Variants in SGCZ observed in about 807,000 individuals in gnomAD.
SGCZ encodes zeta-sarcoglycan.
A neutral mutation model predicts 41.3 loss-of-function variants in SGCZ; 40 were observed. That is an observed-to-expected ratio of 0.97 (90% confidence interval 0.75 to 1.26). SGCZ has a LOEUF of 1.26. Ranked by LOEUF, SGCZ falls within the 50% of genes most tolerant of loss-of-function variation. SGCZ has a pLI of 0.00. For missense variants in SGCZ, 552 were observed against 369.8 expected (o/e 1.49, Z -4.04); for synonymous variants, 206 against 137.5 (o/e 1.50, Z -3.49).
At chr8:14,927,401 G>T (rs28546385) in intron 1 of SGCZ, among the ~76,000 whole-genome samples, 2 of 151,910 alleles carry the variant, frequency 1.3e-5, no homozygotes, top group Non-Finnish European at 2.9e-5. Flanking sequence ...GAGCCACCGC[G>T]CCCGGCCAAG....
chr8:14,376,535 T>C (rs986175639), intron 2 of SGCZ, among the ~76,000 whole-genome samples: 12 of 151,972 alleles, frequency 7.9e-5, no homozygotes, highest in African/African-American at 2.2e-4. Flanking sequence ...ACAGAAGAAA[T>C]AGACTTTGAC....
intron 1 of SGCZ, 83 bp from the exon 2 acceptor site, chr8:14,555,009 A>C: frequency 7.9e-7 from 1 of 1,272,698 alleles, no homozygotes; most frequent in Middle Eastern, 2.4e-4. Context: ...TTTTTGAAAC[A>C]AAAGAACAAT....
intron 1 of SGCZ, among the ~76,000 whole-genome samples, chr8:14,970,905 A>T (rs1801272276): frequency 6.6e-6 from 1 of 152,140 alleles, no homozygotes; most frequent in African/African-American, 2.4e-5. Flanking sequence ...CATGCTAACA[A>T]TGTTGTATCT....
chr8:14,592,162 G>A (rs2036825), intron 1 of SGCZ, among the ~76,000 whole-genome samples: 45,131 of 151,810 alleles, frequency 0.3, 6,905 homozygotes, highest in Non-Finnish European at 0.36. Context: ...TTTTTCATTT[G>A]TTCATTTAAA....
At chr8:14,463,520 T>A (rs755270729) in intron 2 of SGCZ, among the ~76,000 whole-genome samples, 2 of 150,926 alleles carry the variant, frequency 1.3e-5, no homozygotes, top group African/African-American at 4.9e-5. Context: ...AAATATGAAA[T>A]CTAAAACTAT....
intron 2 of SGCZ, among the ~76,000 whole-genome samples, chr8:14,411,564 C>T (rs1404411140): frequency 6.6e-6 from 1 of 152,064 alleles, no homozygotes; most frequent in African/African-American, 2.4e-5. Flanking sequence ...GAAATATATA[C>T]TTCCAAAGTA....
intron 1 of SGCZ, among the ~76,000 whole-genome samples, chr8:14,624,058 C>T (rs1016308107): frequency 3.9e-5 from 6 of 152,134 alleles, no homozygotes; most frequent in South Asian, 2.1e-4. Context: ...GCATTTTATT[C>T]AACATCTATT....
At chr8:14,347,498 T>C (rs1347605435) in intron 2 of SGCZ, among the ~76,000 whole-genome samples, 1 of 152,096 alleles carries the variant, frequency 6.6e-6, no homozygotes, top group Non-Finnish European at 1.5e-5. Flanking sequence ...AATAGTTTAG[T>C]CACTGCATTA....
At chr8:15,078,144 C>CTTT (rs1304445722) in intron 1 of SGCZ, among the ~76,000 whole-genome samples, 2 of 71,840 alleles carry the variant, frequency 2.8e-5, no homozygotes, top group Non-Finnish European at 5.0e-5. Flanking sequence ...GGCAGGAACT[C>CTTT]TTCTTTTTTT....
intron 1 of SGCZ, among the ~76,000 whole-genome samples, chr8:14,987,726 A>C (rs1471585294): frequency 1.3e-5 from 2 of 152,032 alleles, no homozygotes; most frequent in Non-Finnish European, 2.9e-5. Context: ...CAATGTAATT[A>C]AATCTAAACC....
At chr8:14,499,178 G>A (rs1285342928) in intron 2 of SGCZ, among the ~76,000 whole-genome samples, 2 of 151,642 alleles carry the variant, frequency 1.3e-5, no homozygotes, top group East Asian at 3.9e-4. Context: ...TTATAGCCAT[G>A]GATTCTTTAT....
At position 15,129,707 on chromosome 8, in the gene SGCZ, C is replaced by CAA. The variant is rs59401421; in HGVS notation, c.39+107876_39+107877dup. 2.9e-3 allele frequency among the ~76,000 whole-genome samples: 309 copies of CAA among 107,854 alleles called. 11 individuals carry two copies. Among genetic ancestry groups the CAA allele is most frequent in the African/African-American group, 9.8e-3 (282 of 28,860 alleles). The allele number at this position is 107,854 out of a possible 152,430, so 70.8% of individuals were successfully genotyped here. On this transcript the variant is annotated intron_variant, in intron 1 of 7. Transcript: ENST00000382080. ...TCGGGTAAAGTCAGAGAAGCATTTGCAAAAAAAAAAAAAAAAAATCACAGT... is the reference window on the plus strand; with the variant it reads ...TCGGGTAAAGTCAGAGAAGCATTTGCAAAAAAAAAAAAAAAAAAAATCACAGT...
At chr8:14,858,337 C>G (rs183504442) in intron 1 of SGCZ, among the ~76,000 whole-genome samples, 1 of 152,028 alleles carries the variant, frequency 6.6e-6, no homozygotes, top group East Asian at 1.9e-4. Context: ...ACAAAACATT[C>G]CAATTAGTAA....
chr8:14,293,370 T>C (rs1181391715), intron 3 of SGCZ, among the ~76,000 whole-genome samples: 1 of 152,000 alleles, frequency 6.6e-6, no homozygotes, highest in Non-Finnish European at 1.5e-5. Flanking sequence ...AGAAGAGATA[T>C]TTCAGTTTTC....
intron 1 of SGCZ, among the ~76,000 whole-genome samples, chr8:15,130,960 C>A (rs137881651): frequency 6.6e-6 from 1 of 152,016 alleles, no homozygotes; most frequent in Non-Finnish European, 1.5e-5. Flanking sequence ...GTGCTAGATA[C>A]GGGGCTTACA....
intron 3 of SGCZ, among the ~76,000 whole-genome samples, chr8:14,314,036 G>A (rs560814037): frequency 2.6e-5 from 4 of 151,312 alleles, no homozygotes; most frequent in African/African-American, 9.7e-5. Flanking sequence ...GGTGATGAAG[G>A]GATCTTCATT....
intron 4 of SGCZ, among the ~76,000 whole-genome samples, chr8:14,165,606 C>T (rs572568713): frequency 2.0e-5 from 3 of 152,122 alleles, no homozygotes; most frequent in East Asian, 1.9e-4. Flanking sequence ...CTATAGTTCC[C>T]GCTCCTATTA....
chr8:14,384,816 G>A (rs1025485442), intron 2 of SGCZ, among the ~76,000 whole-genome samples: 5 of 152,186 alleles, frequency 3.3e-5, no homozygotes, highest in Admixed American at 6.5e-5. Flanking sequence ...TTCCCAGAGT[G>A]CTAGGGTTAC....
chr8:14,826,383 G>A (rs559841317), intron 1 of SGCZ, among the ~76,000 whole-genome samples: 316 of 152,108 alleles, frequency 2.1e-3, no homozygotes, highest in Non-Finnish European at 3.6e-3. Context: ...GAATAGTGCC[G>A]CAATAAACAT....
Sources: gnomAD v4.1 joint callset for allele counts (sites outside exome capture counted in the v4.1 genomes callset) on GRCh38, gnomAD v4.1.1 for gene constraint, MANE v1.5 for transcripts, NCBI Gene and HGNC (gene_info 2026-07-23, HGNC 2026-07-21) for gene names.